TNR: variants seen among roughly 807,000 people sequenced by gnomAD.
TNR encodes the protein tenascin-R.
Under a neutral mutation model 150.4 loss-of-function variants are expected in TNR, and 45 were observed. The ratio of observed to expected loss-of-function variants is 0.30; its 90% CI spans 0.24 to 0.38. TNR has a LOEUF of 0.38. Ranked by LOEUF, TNR falls within the 10% of genes least tolerant of loss-of-function variation. The probability of loss-of-function intolerance (pLI) is 1.00; values close to 1 mark genes in which losing one functional copy is unlikely to be tolerated. For synonymous variants in TNR, 687 were observed against 678.4 expected, an observed-to-expected ratio of 1.01 and a Z score of -0.20; for missense variants, 1,544 against 1,759.1, an observed-to-expected ratio of 0.88 and a Z score of 2.19.
chr1:175,396,846 G>A lies in TNR; in HGVS notation c.977-39C>T, dbSNP rs753518532. ...ATACACAGATAGCATGAGCTCAGAG[G>A]ATTGCCTTCCCCATCCTGGACTCAA... On this transcript the variant is annotated intron_variant, in intron 4 of 22. Transcript: ENST00000367674. 4 of 1,588,520 alleles carry A rather than the reference G, an allele frequency of 2.5e-6. No homozygotes were observed. The Admixed American group carries it at 5.1e-5, about 20-fold the overall frequency.
chr1:175,646,905 G>A (rs575848423), intron 1 of TNR, among the ~76,000 whole-genome samples: 1 of 152,148 alleles, frequency 6.6e-6, no homozygotes, highest in South Asian at 2.1e-4. Flanking sequence ...GATCCAATAC[G>A]TCCCAAAGAG....
At position 175,386,104 on chromosome 1, in the gene TNR, G is replaced by A; in HGVS notation, c.1705C>T (p.Arg569Ter). The A allele has an allele frequency of 1.9e-6, 3 of 1,612,570 alleles. No individual in the cohort carries two copies. Among genetic ancestry groups the A allele is most frequent in the Non-Finnish European group, 2.5e-6 (3 of 1,178,850 alleles). The change falls in exon 8 of 23, where the codon CGA (arginine) becomes TGA (stop). Residue 569 changes from arginine (R) to a stop codon, truncating the protein, a stop_gained. Transcript: ENST00000367674. LOFTEE classifies it high-confidence loss of function. ...ACGGCACTGACTGACACCTCGTATC[G>A]GGAGCCAGGCCGCAGGGCCTGCACT... is the stretch of plus-strand genomic sequence containing the variant. ...YSVQALRPGS[R>*]YEVSVSAVRG...
intron 18 of TNR, among the ~76,000 whole-genome samples, chr1:175,344,165 G>A (rs1650660270): frequency 6.6e-6 from 1 of 152,156 alleles, no homozygotes; most frequent in African/African-American, 2.4e-5. Context: ...GAAGGCTTTG[G>A]TTTGTGGCTA....
chr1:175,701,655 G>A (rs1313893334), intron 1 of TNR, among the ~76,000 whole-genome samples: 1 of 152,200 alleles, frequency 6.6e-6, no homozygotes, highest in Non-Finnish European at 1.5e-5. Flanking sequence ...CTCACATATA[G>A]TGACACTCAA....
At chr1:175,563,545 C>T (rs990947952) in intron 1 of TNR, among the ~76,000 whole-genome samples, 14 of 152,198 alleles carry the variant, frequency 9.2e-5, no homozygotes, top group Non-Finnish European at 1.6e-4. Context: ...TTAGCCTCCT[C>T]AATGTCCACT....
intron 1 of TNR, among the ~76,000 whole-genome samples, chr1:175,572,665 CATAAT>C (rs1036689672): frequency 2.6e-5 from 4 of 151,292 alleles, no homozygotes; most frequent in Non-Finnish European, 5.9e-5. Context: ...ATACATATAC[CATAAT>C]ATAATTACAT....
intron 2 of TNR, among the ~76,000 whole-genome samples, chr1:175,438,464 G>T (rs1655620724): frequency 6.6e-6 from 1 of 152,092 alleles, no homozygotes; most frequent in Admixed American, 6.5e-5. Flanking sequence ...TTTGAAAACT[G>T]GCAGAAGACA....
intron 11 of TNR, 122 bp from the exon 12 acceptor site, chr1:175,365,401 T>G: frequency 1.7e-6 from 2 of 1,146,094 alleles, no homozygotes; most frequent in African/African-American, 3.1e-5. Flanking sequence ...CTTCACCCAC[T>G]AACCAAGAGA....
At chr1:175,387,509 G>T (rs1314963245) in intron 7 of TNR, among the ~76,000 whole-genome samples, 1 of 152,216 alleles carries the variant, frequency 6.6e-6, no homozygotes, top group African/African-American at 2.4e-5. Context: ...GAGGGAGAGA[G>T]AAACCAGTGG....
intron 21 of TNR, among the ~76,000 whole-genome samples, chr1:175,329,869 G>C (rs1649633100): frequency 6.6e-6 from 1 of 152,218 alleles, no homozygotes; most frequent in Non-Finnish European, 1.5e-5. Context: ...CTGAAGTCCT[G>C]CAAAGTTGCT....
In TNR at chr1:175,348,762, T is replaced by A. The variant is rs191470276; in HGVS notation, c.3382+5629A>T. ...ACTGTATCCTCAACTAATACCAGTA[T>A]AAAATAGGCTAAATATAGAGAAATA... On this transcript the variant is annotated intron_variant, in intron 18 of 22. Coordinates refer to ENST00000367674, the MANE Select transcript of TNR (RefSeq NM_003285.3). 1.2e-3 allele frequency among the ~76,000 whole-genome samples: 188 copies of A among 152,206 alleles called. 2 individuals carry two copies. The highest frequency in any genetic ancestry group is 3.4e-3 in the Middle Eastern group (1 of 294).
intron 1 of TNR, among the ~76,000 whole-genome samples, chr1:175,542,042 C>G (rs1660520224): frequency 6.6e-6 from 1 of 152,112 alleles, no homozygotes; most frequent in South Asian, 2.1e-4. Flanking sequence ...CCTCCTGGCA[C>G]TAGGGTAAGA....
chr1:175,660,851 G>T (rs1350041696), intron 1 of TNR, among the ~76,000 whole-genome samples: 1 of 152,148 alleles, frequency 6.6e-6, no homozygotes, highest in Non-Finnish European at 1.5e-5. Context: ...CTCAGCAGAG[G>T]TTCCAGGAGA....
chr1:175,359,577 C>T (rs770835154), intron 15 of TNR, 35 bp downstream of exon 15: 1 of 1,612,438 alleles, frequency 6.2e-7, no homozygotes, highest in South Asian at 1.1e-5. Context: ...CCCACCATTC[C>T]CACCTGCCTG....
chr1:175,540,094 G>A (rs918691584), intron 1 of TNR, among the ~76,000 whole-genome samples: 1 of 152,168 alleles, frequency 6.6e-6, no homozygotes, highest in Admixed American at 6.5e-5. Flanking sequence ...AGTGGGGAGG[G>A]AACTGGCACT....
At chr1:175,330,316 A>C in intron 20 of TNR, 81 bp from the exon 21 acceptor site, 3 of 1,418,384 alleles carry the variant, frequency 2.1e-6, no homozygotes, top group Non-Finnish European at 2.8e-6. Flanking sequence ...CTGTGGCTTC[A>C]AAACATGTTA....
chr1:175,413,802 G>A (rs1056454429), intron 2 of TNR, among the ~76,000 whole-genome samples: 2 of 152,104 alleles, frequency 1.3e-5, no homozygotes, highest in East Asian at 1.9e-4. Flanking sequence ...AGTCATGATG[G>A]CAAAACCCTC....
At chr1:175,685,939 C>T (rs183887564) in intron 1 of TNR, among the ~76,000 whole-genome samples, 18 of 151,762 alleles carry the variant, frequency 1.2e-4, no homozygotes, top group African/African-American at 3.4e-4. Context: ...AGAGAAGTGG[C>T]CTTAAACAAA....
chr1:175,382,900 CA>C (rs71129507), intron 8 of TNR, among the ~76,000 whole-genome samples: 486 of 103,516 alleles, frequency 4.7e-3, no homozygotes, highest in Non-Finnish European at 4.8e-3. Context: ...GACTCCATCT[CA>C]AAAAAAAAAA....
Sources: gnomAD v4.1 joint callset for allele counts (sites outside exome capture counted in the v4.1 genomes callset) on GRCh38, gnomAD v4.1.1 for gene constraint, MANE v1.5 for transcripts, NCBI Gene and HGNC (gene_info 2026-07-23, HGNC 2026-07-21) for gene names.